MPP4: variants seen among roughly 807,000 people sequenced by gnomAD.
MPP4 encodes the protein MAGUK p55 subfamily member 4.
MPP4 carries 91 observed loss-of-function variants against 98.3 expected under a neutral mutation model. The observed-to-expected ratio is 0.93, with a 90% CI of 0.78 to 1.10. The LOEUF (loss-of-function observed/expected upper bound fraction) is 1.10, where lower values mean the gene tolerates loss of function less well. Ranked by LOEUF, MPP4 falls within the 50% of genes least tolerant of loss-of-function variation. MPP4 has a pLI of 0.00. For missense variants in MPP4, 744 were observed against 792.9 expected, an observed-to-expected ratio of 0.94 and a Z score of 0.74; for synonymous variants, 261 against 271.8, an observed-to-expected ratio of 0.96 and a Z score of 0.39.
At chr2:201,694,608 CTTTTTTTTTTTTTT>C (rs777556505) in intron 1 of MPP4, among the ~76,000 whole-genome samples, 2 of 78,872 alleles carry the variant, frequency 2.5e-5, no homozygotes, top group Non-Finnish European at 4.4e-5. Flanking sequence ...TTCTTTTTCC[CTTTTTTTTTTTTTT>C]TTTTTTTTTT....
At chr2:201,692,040 G>C (rs1221589940) in intron 3 of MPP4, among the ~76,000 whole-genome samples, 2 of 152,174 alleles carry the variant, frequency 1.3e-5, no homozygotes, top group Non-Finnish European at 2.9e-5. Context: ...AAAAAGAGCT[G>C]TGGGGAGAAA....
chr2:201,651,963 A>AAACG, intron 18 of MPP4: 1 of 802,944 alleles, frequency 1.2e-6, no homozygotes, highest in Non-Finnish European at 1.4e-6. Flanking sequence ...AAACAAAACA[A>AAACG]AACAAACAGA....
intron 11 of MPP4, among the ~76,000 whole-genome samples, chr2:201,670,687 A>G (rs1192559835): frequency 1.3e-5 from 2 of 152,250 alleles, no homozygotes; most frequent in Admixed American, 1.3e-4. Context: ...AAAATTTTCA[A>G]AACGTGGAAG....
Position 201,650,152 on chromosome 2 carries a change from A to C in MPP4, c.1395T>G (p.Thr465=), listed in dbSNP as rs1687676783. 1.9e-6 allele frequency: 3 copies of C among 1,569,702 alleles called. No homozygotes were observed. The highest frequency in any genetic ancestry group is 3.8e-5 in the Admixed American group (2 of 53,142). The change falls in exon 19 of 22, where the codon ACT becomes ACG. Residue 465 remains threonine (T), a synonymous_variant. Coordinates refer to ENST00000409474, the MANE Select transcript of MPP4 (RefSeq NM_033066.3). ...FQSAVPHTTR[T]KKSYEMNGRE... ...GCCCATTCATTTCGTAACTCTTTTT[A>C]GTACGAGTAGTGTCTATCAGAAAAA...
rs1230620848 is a variant in MPP4 at position 201,675,199 on chromosome 2, A to G, written c.994+8T>C. The stretch of plus-strand genomic sequence containing the variant: ...AGGAAGAACCTGTCGGGCAGTTGCA[A>G]TACTCACATAGGGTTGACTTGAGGC... On this transcript the variant is annotated splice_region_variant and intron_variant, in intron 11 of 21. Transcript: ENST00000409474. The G allele has an allele frequency of 1.2e-5, 20 of 1,604,862 alleles. No homozygotes were observed. The highest frequency in any genetic ancestry group is 1.7e-5 in the Non-Finnish European group (20 of 1,175,864).
intron 10 of MPP4, among the ~76,000 whole-genome samples, chr2:201,677,646 C>T (rs886834894): frequency 1.3e-5 from 2 of 152,146 alleles, no homozygotes; most frequent in Non-Finnish European, 1.5e-5. Flanking sequence ...CTCTTCATAC[C>T]ACTTACCCTG....
At position 201,685,261 on chromosome 2, in the gene MPP4, A is replaced by AAGGCT. The variant is rs1200639021; in HGVS notation, c.493-117_493-116insAGCCT. On this transcript the variant is annotated intron_variant, in intron 6 of 21. Coordinates refer to ENST00000409474, the MANE Select transcript of MPP4 (RefSeq NM_033066.3). ...TCAATGCAGCTCTGGTCTTTCAATCAATGCAGCTCTGGTCTTTCAATCAAT... is the reference window on the plus strand; with the variant it reads ...TCAATGCAGCTCTGGTCTTTCAATCAAGGCTATGCAGCTCTGGTCTTTCAATCAAT... 6.2e-4 allele frequency: 67 copies of AAGGCT among 108,758 alleles called. 5 individuals are homozygous for AAGGCT. Among genetic ancestry groups the AAGGCT allele is most frequent in the African/African-American group, 2.4e-3 (11 of 4,504 alleles). The allele number at this position is 108,758 out of a possible 1,614,324, so 6.7% of individuals were successfully genotyped here. A position where few individuals can be genotyped will look rare whatever the true frequency, so the allele number is the denominator to read the frequency against.
At chr2:201,669,213 G>T (rs1182790772) in intron 12 of MPP4, among the ~76,000 whole-genome samples, 1 of 151,742 alleles carries the variant, frequency 6.6e-6, no homozygotes, top group Non-Finnish European at 1.5e-5. Context: ...GGTCCCATTT[G>T]TTCCCTAATG....
chr2:201,661,600 G>A (rs1444606028), intron 14 of MPP4: 1 of 455,992 alleles, frequency 2.2e-6, no homozygotes, highest in Non-Finnish European at 4.4e-6. Flanking sequence ...ACTCCCCCAA[G>A]GAACAAGATT....
chr2:201,696,054 T>C (rs1333301926), intron 1 of MPP4, among the ~76,000 whole-genome samples: 1 of 152,094 alleles, frequency 6.6e-6, no homozygotes, highest in Non-Finnish European at 1.5e-5. Flanking sequence ...GAAGAAAAGA[T>C]CATTATTATT....
chr2:201,673,739 T>A (rs1346515644), intron 11 of MPP4, among the ~76,000 whole-genome samples: 1 of 152,256 alleles, frequency 6.6e-6, no homozygotes, highest in Non-Finnish European at 1.5e-5. Context: ...TGTCCTCACA[T>A]CTTTTCAATA....
intron 4 of MPP4, among the ~76,000 whole-genome samples, chr2:201,689,453 T>G (rs1292041706): frequency 6.6e-6 from 1 of 152,158 alleles, no homozygotes; most frequent in Non-Finnish European, 1.5e-5. Flanking sequence ...TATTTTTGGT[T>G]GCCGTGTTGA....
At position 201,647,724 on chromosome 2, in the gene MPP4, A is replaced by G; in HGVS notation, c.1686T>C (p.Val562=). The G allele has an allele frequency of 1.9e-6, 3 of 1,613,926 alleles. No homozygotes were observed. The highest frequency in any genetic ancestry group is 2.5e-6 in the Non-Finnish European group (3 of 1,179,852). The change falls in exon 21 of 22, where the codon GTT becomes GTC. Residue 562 remains valine (V), a synonymous_variant. Transcript: ENST00000409474. ...CMKQSRKNAK[V]ITDYYVDMKF... ...TCATGTCCACATAGTAGTCAGTAATAACCTTGGCATTTTTCCGAGATTGTT... is the reference window on the plus strand; with the variant it reads ...TCATGTCCACATAGTAGTCAGTAATGACCTTGGCATTTTTCCGAGATTGTT...
chr2:201,687,456 T>C (rs1307342112), intron 4 of MPP4, 85 bp from the exon 5 acceptor site: 6 of 972,306 alleles, frequency 6.2e-6, no homozygotes, highest in African/African-American at 4.9e-5. Flanking sequence ...ATAACATACA[T>C]ACTAACATGA....
chr2:201,679,596 C>G (rs1688613017), intron 10 of MPP4, among the ~76,000 whole-genome samples: 1 of 152,178 alleles, frequency 6.6e-6, no homozygotes. Context: ...GGTCCTAGGT[C>G]AGGCCAAGCT....
chr2:201,693,100 G>A (rs556934248), intron 2 of MPP4, 71 bp from the exon 3 acceptor site: 24 of 1,541,266 alleles, frequency 1.6e-5, no homozygotes, highest in Non-Finnish European at 1.9e-5. Context: ...TCAGATAGCT[G>A]GGGCATGCCA....
At chr2:201,669,427 A>G (rs557861315) in intron 12 of MPP4, among the ~76,000 whole-genome samples, 1 of 152,288 alleles carries the variant, frequency 6.6e-6, no homozygotes, top group East Asian at 1.9e-4. Flanking sequence ...GCTTTTATTG[A>G]GTTCTTGCCA....
intron 16 of MPP4, 142 bp from the exon 17 acceptor site, chr2:201,656,510 G>T: frequency 1.3e-6 from 1 of 796,910 alleles, no homozygotes; most frequent in Non-Finnish European, 1.9e-6. Flanking sequence ...AAGATGGGAA[G>T]TAATATGAGG....
At chr2:201,683,490 T>C (rs1315358334) in intron 7 of MPP4, among the ~76,000 whole-genome samples, 1 of 152,192 alleles carries the variant, frequency 6.6e-6, no homozygotes. Context: ...GGCTAATGCC[T>C]ATAATCCTAG....
Sources: gnomAD v4.1 joint callset for allele counts (sites outside exome capture counted in the v4.1 genomes callset) on GRCh38, gnomAD v4.1.1 for gene constraint, MANE v1.5 for transcripts, NCBI Gene and HGNC (gene_info 2026-07-23, HGNC 2026-07-21) for gene names.